ATP2B1: variants seen among roughly 807,000 people sequenced by gnomAD.
ATP2B1 encodes the protein ATPase plasma membrane Ca2+ transporting 1, also known as plasma membrane calcium-transporting ATPase 1.
ATP2B1 carries 14 observed loss-of-function variants against 124.2 expected under a neutral mutation model. That is an observed-to-expected ratio of 0.11 (90% CI 0.07 to 0.18). The LOEUF (loss-of-function observed/expected upper bound fraction) is 0.18. Ranked by LOEUF, ATP2B1 falls within the 10% of genes least tolerant of loss-of-function variation. The pLI is 1.00. For synonymous variants in ATP2B1, 449 were observed against 492.4 expected (o/e 0.91, Z 1.17); for missense variants, 763 against 1,466.1 (o/e 0.52, Z 7.83).
At chr12:89,598,270 A>G (rs1384667133) in intron 20 of ATP2B1, among the ~76,000 whole-genome samples, 1 of 152,186 alleles carries the variant, frequency 6.6e-6, no homozygotes, top group Non-Finnish European at 1.5e-5. Context: ...AAACATGTTT[A>G]AAGGCATATA....
At chr12:89,635,701 T>C (rs1390962468) in intron 3 of ATP2B1, among the ~76,000 whole-genome samples, 2 of 152,212 alleles carry the variant, frequency 1.3e-5, no homozygotes, top group East Asian at 1.9e-4. Flanking sequence ...TTACATATGA[T>C]AGACAAGATA....
intron 6 of ATP2B1, among the ~76,000 whole-genome samples, 171 bp downstream of exon 6, chr12:89,630,334 A>G (rs1881645305): frequency 6.6e-6 from 1 of 152,198 alleles, no homozygotes; most frequent in East Asian, 1.9e-4. Flanking sequence ...GGCCATGGTA[A>G]AGGGGACTGA....
At chr12:89,690,968 C>A (rs1275509225) in intron 1 of ATP2B1, among the ~76,000 whole-genome samples, 1 of 152,090 alleles carries the variant, frequency 6.6e-6, no homozygotes, top group African/African-American at 2.4e-5. Context: ...GTAAATTAGG[C>A]AAGCACTTTA....
chr12:89,621,114 T>C (rs963713089), intron 10 of ATP2B1, among the ~76,000 whole-genome samples: 2 of 152,138 alleles, frequency 1.3e-5, no homozygotes, highest in African/African-American at 4.8e-5. Context: ...GGACCACCTT[T>C]TAGGTAGGAA....
chr12:89,666,569 G>C (rs920895834), intron 1 of ATP2B1, among the ~76,000 whole-genome samples: 9 of 152,110 alleles, frequency 5.9e-5, no homozygotes, highest in Non-Finnish European at 1.2e-4. Context: ...ACTTCTCAAT[G>C]GTCAGCGACT....
chr12:89,631,265 C>A (rs1881820292), intron 5 of ATP2B1, among the ~76,000 whole-genome samples: 1 of 152,074 alleles, frequency 6.6e-6, no homozygotes, highest in Non-Finnish European at 1.5e-5. Context: ...CTCATATAAA[C>A]CTATAAATGT....
intron 1 of ATP2B1, among the ~76,000 whole-genome samples, chr12:89,662,459 A>C (rs1886829467): frequency 6.6e-6 from 1 of 152,196 alleles, no homozygotes; most frequent in African/African-American, 2.4e-5. Flanking sequence ...TTATTTCATT[A>C]AAATGCTTTA....
At chr12:89,675,268 C>T (rs1387389867) in intron 1 of ATP2B1, among the ~76,000 whole-genome samples, 1 of 152,148 alleles carries the variant, frequency 6.6e-6, no homozygotes, top group Non-Finnish European at 1.5e-5. Context: ...ACTAGAAAAC[C>T]TCCATTTGTT....
intron 5 of ATP2B1, among the ~76,000 whole-genome samples, chr12:89,632,479 A>G (rs961945270): frequency 2.6e-5 from 4 of 152,210 alleles, no homozygotes; most frequent in Non-Finnish European, 4.4e-5. Context: ...GAAAAAGTAG[A>G]TAATTTATTT....
At chr12:89,699,421 A>C (rs948528925) in intron 1 of ATP2B1, among the ~76,000 whole-genome samples, 5 of 152,254 alleles carry the variant, frequency 3.3e-5, no homozygotes, top group African/African-American at 1.2e-4. Context: ...CGAAACGTCA[A>C]AATGATGACA....
chr12:89,699,943 C>A (rs1404713327), intron 1 of ATP2B1, among the ~76,000 whole-genome samples: 1 of 151,862 alleles, frequency 6.6e-6, no homozygotes, highest in East Asian at 1.9e-4. Context: ...CTCCTAGAAT[C>A]AAGCGATCCT....
intron 1 of ATP2B1, among the ~76,000 whole-genome samples, chr12:89,662,677 A>G (rs1017992233): frequency 1.3e-5 from 2 of 152,208 alleles, no homozygotes; most frequent in African/African-American, 2.4e-5. Context: ...GAGCTGATAA[A>G]GCAGAAAATA....
chr12:89,678,017 C>T (rs1161129945), intron 1 of ATP2B1, among the ~76,000 whole-genome samples: 21 of 137,764 alleles, frequency 1.5e-4, no homozygotes, highest in East Asian at 6.2e-4. Flanking sequence ...CACACACACA[C>T]ATATACAGAA....
intron 2 of ATP2B1, among the ~76,000 whole-genome samples, chr12:89,649,156 T>C (rs962566193): frequency 6.6e-6 from 1 of 152,226 alleles, no homozygotes; most frequent in African/African-American, 2.4e-5. Context: ...GTCCCCCCAC[T>C]AGGGCACTGC....
chr12:89,627,309 T>C (rs543980029), intron 7 of ATP2B1, among the ~76,000 whole-genome samples: 1 of 151,214 alleles, frequency 6.6e-6, no homozygotes, highest in South Asian at 2.1e-4. Context: ...AGAAGGTGTA[T>C]ATGGCAATGT....
At chr12:89,633,357 T>A (rs967347726) in intron 5 of ATP2B1, among the ~76,000 whole-genome samples, 1 of 151,966 alleles carries the variant, frequency 6.6e-6, no homozygotes, top group African/African-American at 2.4e-5. Flanking sequence ...AATGTGTAGG[T>A]TTGTTACATA....
Position 89,674,178 on chromosome 12 carries a change from T to TATCA in ATP2B1, c.-221-18075_-221-18072dup, listed in dbSNP as rs1279323067. Among the ~76,000 whole-genome samples the TATCA allele has an allele frequency of 6.6e-5, 10 of 152,102 alleles. 1 individual carries two copies. Among genetic ancestry groups the TATCA allele is most frequent in the Admixed American group, 6.6e-5 (1 of 15,266 alleles). On this transcript the variant is annotated intron_variant, in intron 1 of 20. Coordinates refer to ENST00000428670, the MANE Select transcript of ATP2B1 (RefSeq NM_001366521.1). Reference sequence around the variant, plus strand: ...GGAACTTATATTCCTTTGAAGGAGGTATCAATCAATCAATCAATCAAACTA... The same window carrying TATCA: ...GGAACTTATATTCCTTTGAAGGAGGTATCAATCAATCAATCAATCAATCAAACTA...
chr12:89,634,970 G>C (rs1882461787), intron 4 of ATP2B1, 27 bp downstream of exon 4: 7 of 1,612,756 alleles, frequency 4.3e-6, no homozygotes, highest in African/African-American at 1.3e-5. Flanking sequence ...TTTAGTGTCA[G>C]ATGTACTGCT....
At chr12:89,622,936 T>C (rs1438320083) in intron 9 of ATP2B1, among the ~76,000 whole-genome samples, 1 of 152,212 alleles carries the variant, frequency 6.6e-6, no homozygotes, top group Non-Finnish European at 1.5e-5. Flanking sequence ...CTACTCAAAA[T>C]GAACTAATGG....
Sources: gnomAD v4.1 joint callset for allele counts (sites outside exome capture counted in the v4.1 genomes callset) on GRCh38, gnomAD v4.1.1 for gene constraint, MANE v1.5 for transcripts, NCBI Gene and HGNC (gene_info 2026-07-23, HGNC 2026-07-21) for gene names.